The following CP variants were observed in gnomAD, a reference collection of about 807,000 sequenced individuals.
CP encodes the protein ceruloplasmin.
CP carries 64 observed loss-of-function variants against 122.4 expected under a neutral mutation model. The observed-to-expected ratio is 0.52, with a 90% CI of 0.43 to 0.64. CP has a LOEUF of 0.64. Among genes scored for constraint, CP ranks in the 30% least tolerant of loss-of-function variants. The pLI is 0.00. For synonymous variants in CP, 440 were observed against 436.4 expected (o/e 1.01, Z -0.10); for missense variants, 1,167 against 1,284.4 (o/e 0.91, Z 1.40).
intron 5 of CP, among the ~76,000 whole-genome samples, chr3:149,206,784 G>T (rs931981783): frequency 2.0e-5 from 3 of 152,126 alleles, no homozygotes; most frequent in African/African-American, 7.2e-5. Context: ...CTGCTGTGCT[G>T]GGCCTTCTGT....
At position 149,207,461 on chromosome 3, in the gene CP, G is replaced by A. The variant is rs144401501; in HGVS notation, c.938C>T (p.Thr313Ile). 5.8e-4 allele frequency: 942 copies of A among 1,613,872 alleles called. 1 individual carries two copies. The highest frequency in any genetic ancestry group is 7.4e-4 in the Non-Finnish European group (877 of 1,179,886). The change falls in exon 5 of 19, where the codon ACA becomes ATA. Residue 313 changes from threonine (T) to isoleucine (I), a missense_variant. Physicochemically the swap from Thr to Ile is moderately conservative, Grantham distance 89. Around this residue, in one of 2 missense-constraint regions of CP, gnomAD observed 642 missense variants for 627.3 expected, o/e 1.02. Transcript: ENST00000264613. ...ALTNKNYRID[T>I]INLFPATLFD... ...CAGGGTAGCAGGAAAGAGGTTGATT[G>A]TGTCAATACGGTAGTTCTTGTTAGT... is the stretch of plus-strand genomic sequence containing the variant.
At chr3:149,167,281 TA>T in intron 4 of CP, 1 of 1,476,884 alleles carries the variant, frequency 6.8e-7, no homozygotes, top group Non-Finnish European at 9.3e-7. Context: ...TGATCAGTGA[TA>T]ATCAGATCTG....
intron 18 of CP, among the ~76,000 whole-genome samples, chr3:149,175,752 T>C (rs1459979359): frequency 6.6e-6 from 1 of 151,818 alleles, no homozygotes; most frequent in African/African-American, 2.4e-5. Flanking sequence ...TTTTGTTTCT[T>C]CCCTGGATCT....
chr3:149,207,220 A>T (rs1727795569), intron 5 of CP, 143 bp downstream of exon 5: 5 of 877,350 alleles, frequency 5.7e-6, no homozygotes, highest in Non-Finnish European at 5.2e-6. Flanking sequence ...TTTTTATTAC[A>T]TTATTATATA....
At chr3:149,195,571 GA>G (rs1235978995) in intron 9 of CP, among the ~76,000 whole-genome samples, 1 of 152,106 alleles carries the variant, frequency 6.6e-6, no homozygotes, top group Non-Finnish European at 1.5e-5. Flanking sequence ...ATTGTGAAGT[GA>G]AAAAAGCAAA....
At chr3:149,181,976 ACCAC>A in intron 14 of CP, 25 bp downstream of exon 14, 1 of 561,808 alleles carries the variant, frequency 1.8e-6, no homozygotes, top group Non-Finnish European at 3.3e-6. Context: ...GTTAAAATGC[ACCAC>A]CCCCACCCCC....
chr3:149,220,143 C>A (rs1294486433), intron 1 of CP, among the ~76,000 whole-genome samples: 1 of 152,094 alleles, frequency 6.6e-6, no homozygotes, highest in Non-Finnish European at 1.5e-5. Context: ...CCCCCATTCA[C>A]CAAATTCTAA....
intron 1 of CP, among the ~76,000 whole-genome samples, chr3:149,215,070 A>G (rs781029544): frequency 5.3e-5 from 8 of 152,202 alleles, no homozygotes; most frequent in Non-Finnish European, 8.8e-5. Flanking sequence ...TGATTTGATA[A>G]TATTTGGAGA....
chr3:149,184,287 G>A (rs2108232892), intron 12 of CP, among the ~76,000 whole-genome samples: 1 of 151,770 alleles, frequency 6.6e-6, no homozygotes, highest in African/African-American at 2.4e-5. Flanking sequence ...CGCCCGCCTC[G>A]GCCTCCCAAA....
intron 18 of CP, chr3:149,175,918 G>C (rs1384118570): frequency 2.4e-5 from 5 of 207,604 alleles, no homozygotes; most frequent in Non-Finnish European, 4.8e-5. Flanking sequence ...AAAGAAATTA[G>C]ATTCTAAATG....
At chr3:149,180,326 C>T (rs1416794552) in intron 14 of CP, among the ~76,000 whole-genome samples, 1 of 152,198 alleles carries the variant, frequency 6.6e-6, no homozygotes, top group Non-Finnish European at 1.5e-5. Context: ...TCGGCCTTGG[C>T]ATTTTGAAGA....
chr3:149,201,734 T>A (rs1235184417), intron 7 of CP, among the ~76,000 whole-genome samples: 4 of 151,814 alleles, frequency 2.6e-5, no homozygotes, highest in Non-Finnish European at 5.9e-5. Flanking sequence ...AAACTGGGAT[T>A]ACAGGTACGT....
intron 12 of CP, among the ~76,000 whole-genome samples, chr3:149,184,293 C>G: frequency 6.6e-6 from 1 of 152,036 alleles, no homozygotes; most frequent in Non-Finnish European, 1.5e-5. Context: ...CCTCGGCCTC[C>G]CAAAGTGCTG....
chr3:149,196,311 G>C (rs557282386), intron 9 of CP, among the ~76,000 whole-genome samples: 3 of 152,246 alleles, frequency 2.0e-5, no homozygotes, highest in South Asian at 2.1e-4. Context: ...AAAATCTGTA[G>C]ACTCAAATTT....
At chr3:149,185,124 T>C (rs1459658346) in intron 12 of CP, 115 bp downstream of exon 12, 18 of 827,286 alleles carry the variant, frequency 2.2e-5, no homozygotes, top group Non-Finnish European at 8.0e-6. Context: ...TTGTTGTTGT[T>C]GTTATTGTTT....
chr3:149,183,493 C>T lies in CP; in HGVS notation c.2398G>A (p.Ala800Thr), dbSNP rs774236869. ...STFRVPVERK[A>T]EEEHLGILGP... ...AGAATTCCCAGATGTTCTTCTTCAG[C>T]TTTTCTCTCCACTGGAACACGGAAT... The change falls in exon 13 of 19, where the codon GCT (alanine) becomes ACT (threonine). Residue 800 changes from alanine (A) to threonine (T), a missense_variant. By Grantham distance (58) the Ala-to-Thr change is moderately conservative (BLOSUM62 0). Around this residue, in one of 2 missense-constraint regions of CP, gnomAD observed 525 missense variants for 657.2 expected, o/e 0.80. Coordinates refer to ENST00000264613, the MANE Select transcript of CP (RefSeq NM_000096.4). 1.9e-5 allele frequency: 30 copies of T among 1,611,486 alleles called. No individual in the cohort carries two copies. The highest frequency in any genetic ancestry group is 1.7e-5 in the Admixed American group (1 of 59,978).
At position 149,207,408 on chromosome 3, in the gene CP, G is replaced by C. The variant is rs376348284; in HGVS notation, c.991C>G (p.Pro331Ala). ...LFDAYMVAQN[P>A]GEWMLSCQNL... ...TGACAGCTGAGCATCCATTCTCCAG[G>C]GTTCTGGGCCACCATATAAGCATCA... Residue 331 changes from proline (P) to alanine (A), a missense_variant, in exon 5 of 19, where the codon CCT becomes GCT. By Grantham distance (27) the Pro-to-Ala change is conservative (BLOSUM62 -1). Coordinates refer to ENST00000264613, the MANE Select transcript of CP (RefSeq NM_000096.4). 1 of 1,613,772 alleles carries C rather than the reference G, an allele frequency of 6.2e-7. No homozygotes were observed. The highest frequency in any genetic ancestry group is 1.3e-5 in the African/African-American group (1 of 74,906).
At chr3:149,199,607 G>A (rs1727161272) in intron 8 of CP, 105 bp downstream of exon 8, 8 of 1,344,270 alleles carry the variant, frequency 6.0e-6, no homozygotes, top group South Asian at 3.5e-5. Flanking sequence ...TATATGAGCG[G>A]TTTCCTTGGG....
intron 5 of CP, among the ~76,000 whole-genome samples, chr3:149,163,084 C>T (rs1427908060): frequency 6.6e-6 from 1 of 152,162 alleles, no homozygotes; most frequent in Non-Finnish European, 1.5e-5. Flanking sequence ...AAAGAATGTC[C>T]TCTACTTATT....
Sources: allele counts gnomAD v4.1 joint callset (sites outside exome capture counted in the v4.1 genomes callset), GRCh38; gene constraint gnomAD v4.1.1; regional missense constraint gnomAD v4.1.1; transcripts MANE v1.5; gene names NCBI Gene and HGNC (gene_info 2026-07-23, HGNC 2026-07-21).